RIMS2: variants seen among roughly 807,000 people sequenced by gnomAD.
RIMS2 encodes the protein regulating synaptic membrane exocytosis 2.
Under a neutral mutation model 174.4 loss-of-function variants are expected in RIMS2, and 59 were observed. That is an observed-to-expected ratio of 0.34 (90% CI 0.27 to 0.42). RIMS2 has a LOEUF of 0.42. Among genes scored for constraint, RIMS2 ranks in the 10% least tolerant of loss-of-function variants. RIMS2 has a pLI of 1.00. For missense variants in RIMS2, 1,620 were observed against 1,666.3 expected (o/e 0.97, Z 0.48); for synonymous variants, 606 against 572.5 (o/e 1.06, Z -0.84).
chr8:104,162,333 A>G (rs1189514387), intron 19 of RIMS2, among the ~76,000 whole-genome samples: 1 of 152,156 alleles, frequency 6.6e-6, no homozygotes, highest in Admixed American at 6.5e-5. Context: ...ACCAAAGAAC[A>G]CCCACAGTTA....
In RIMS2 at chr8:104,251,299, G is replaced by A. The variant is rs1480616176; in HGVS notation, c.3831+136G>A. The stretch of plus-strand genomic sequence containing the variant: ...TCTTTGGAAACTTTTCAAAGCAGTG[G>A]CCCGTGCTATAAAGCAATATACGTT... On this transcript the variant is annotated intron_variant, in intron 23 of 23. Coordinates refer to ENST00000504942, the Ensembl canonical transcript of RIMS2. 4 of 770,226 alleles carry A rather than the reference G, an allele frequency of 5.2e-6. No individual in the cohort carries two copies. In the East Asian group the frequency reaches 1.1e-4, roughly 21 times the overall value. The allele number at this position is 770,226 out of a possible 1,614,324, so 47.7% of individuals were successfully genotyped here.
chr8:104,178,301 T>C (rs989838211), intron 19 of RIMS2, among the ~76,000 whole-genome samples: 4 of 152,276 alleles, frequency 2.6e-5, no homozygotes, highest in East Asian at 3.9e-4. Context: ...ATCTCCTTGC[T>C]GCCTGTAAGC....
intron 1 of RIMS2, among the ~76,000 whole-genome samples, chr8:103,662,672 G>GTCTATCTATCTATCTA (rs61138262): frequency 1.3e-5 from 2 of 149,552 alleles, no homozygotes; most frequent in Middle Eastern, 3.2e-3. Context: ...AGTCAGAAGA[G>GTCTATCTATCTATCTA]TCTATCTATC....
intron 2 of RIMS2, among the ~76,000 whole-genome samples, chr8:103,754,207 A>C (rs1399317881): frequency 6.6e-6 from 1 of 152,158 alleles, no homozygotes; most frequent in Non-Finnish European, 1.5e-5. Flanking sequence ...ATTCAGGAGC[A>C]GGTTGTTCAG....
chr8:103,805,777 A>C (rs1017892737), intron 3 of RIMS2, among the ~76,000 whole-genome samples: 5 of 151,628 alleles, frequency 3.3e-5, no homozygotes, highest in Non-Finnish European at 7.4e-5. Context: ...TTCCTCATTG[A>C]TATTTTCAAA....
At chr8:104,096,895 G>GA (rs2097772643) in intron 19 of RIMS2, among the ~76,000 whole-genome samples, 1 of 150,312 alleles carries the variant, frequency 6.7e-6, no homozygotes, top group Admixed American at 6.6e-5. Context: ...AAAAGAAAAA[G>GA]AAAAAGAAAA....
intron 13 of RIMS2, among the ~76,000 whole-genome samples, chr8:103,939,523 G>A (rs550111201): frequency 5.9e-5 from 9 of 152,360 alleles, no homozygotes; most frequent in South Asian, 2.1e-4. Flanking sequence ...AGGGGCTGCC[G>A]TGAAGACCTC....
chr8:103,538,840 C>G (rs1276279997), intron 1 of RIMS2, among the ~76,000 whole-genome samples: 2 of 152,208 alleles, frequency 1.3e-5, no homozygotes, highest in Non-Finnish European at 2.9e-5. Context: ...GCTTTGCGTC[C>G]TCATAGCTTA....
chr8:103,709,828 G>A (rs917240486), intron 2 of RIMS2, among the ~76,000 whole-genome samples: 1 of 152,062 alleles, frequency 6.6e-6, no homozygotes, highest in Non-Finnish European at 1.5e-5. Flanking sequence ...TATGTTGAGG[G>A]TTAGCCTGAT....
At chr8:103,810,652 A>G (rs1371421603) in intron 3 of RIMS2, among the ~76,000 whole-genome samples, 2 of 152,220 alleles carry the variant, frequency 1.3e-5, no homozygotes, top group Admixed American at 6.5e-5. Context: ...TATAGATACT[A>G]AAAAGGTTAC....
chr8:103,607,300 T>G (rs1471531336), intron 1 of RIMS2, among the ~76,000 whole-genome samples: 2 of 152,128 alleles, frequency 1.3e-5, no homozygotes, highest in Admixed American at 1.3e-4. Flanking sequence ...GGATGAAAAT[T>G]CTTTTCTTTA....
At chr8:104,188,485 G>A (rs2098981225) in intron 19 of RIMS2, among the ~76,000 whole-genome samples, 1 of 151,418 alleles carries the variant, frequency 6.6e-6, no homozygotes, top group African/African-American at 2.4e-5. Flanking sequence ...GAATTTCCTA[G>A]ATACCCAACT....
chr8:104,077,900 C>T (rs753309480), intron 19 of RIMS2, among the ~76,000 whole-genome samples: 2 of 151,492 alleles, frequency 1.3e-5, no homozygotes, highest in Non-Finnish European at 1.5e-5. Flanking sequence ...CCCAGCACTT[C>T]GGGAGGCCAA....
chr8:103,584,956 A>G (rs1256105800), intron 1 of RIMS2, among the ~76,000 whole-genome samples: 2 of 152,224 alleles, frequency 1.3e-5, no homozygotes, highest in Admixed American at 6.5e-5. Flanking sequence ...TGGATGAAAA[A>G]TAAGATCCAT....
chr8:103,641,425 G>A (rs896592689), intron 1 of RIMS2, among the ~76,000 whole-genome samples: 2 of 152,002 alleles, frequency 1.3e-5, no homozygotes, highest in African/African-American at 4.8e-5. Flanking sequence ...ATAGATTATT[G>A]TAAACTATTA....
At chr8:103,949,040 T>C (rs2084574095) in intron 14 of RIMS2, among the ~76,000 whole-genome samples, 1 of 141,346 alleles carries the variant, frequency 7.1e-6, no homozygotes, top group African/African-American at 2.7e-5. Flanking sequence ...GGTGGTAAGA[T>C]GGCTTGAGCC....
chr8:103,752,290 G>C (rs1011454985), intron 2 of RIMS2, among the ~76,000 whole-genome samples: 31 of 152,066 alleles, frequency 2.0e-4, no homozygotes, highest in African/African-American at 6.5e-4. Flanking sequence ...TGAGGGCTCT[G>C]TTCTGTTCCA....
intron 1 of RIMS2, among the ~76,000 whole-genome samples, chr8:103,577,325 T>C (rs2093321031): frequency 6.6e-6 from 1 of 151,920 alleles, no homozygotes; most frequent in Non-Finnish European, 1.5e-5. Flanking sequence ...ATGAAAAAAA[T>C]GCTCATCATC....
At chr8:104,032,375 T>A (rs1308192598) in intron 19 of RIMS2, among the ~76,000 whole-genome samples, 1 of 152,040 alleles carries the variant, frequency 6.6e-6, no homozygotes, top group Non-Finnish European at 1.5e-5. Context: ...CCTTCCTTAT[T>A]TTTTTGTGGA....
Sources: allele counts gnomAD v4.1 joint callset (sites outside exome capture counted in the v4.1 genomes callset), GRCh38; gene constraint gnomAD v4.1.1; transcripts MANE v1.5; gene names NCBI Gene and HGNC (gene_info 2026-07-23, HGNC 2026-07-21).